Variants in UNKL observed in about 807,000 individuals in gnomAD.
UNKL encodes the protein unk like zinc finger.
UNKL carries 60 observed loss-of-function variants against 78.0 expected under a neutral mutation model. That is an observed-to-expected ratio of 0.77 (90% CI 0.63 to 0.95). The LOEUF is 0.95. Ranked by LOEUF, UNKL falls within the 40% of genes least tolerant of loss-of-function variation. UNKL has a pLI of 0.00. For missense variants in UNKL, 1,159 were observed against 1,045.7 expected (o/e 1.11, Z -1.49); for synonymous variants, 608 against 474.8 (o/e 1.28, Z -3.65).
In UNKL at chr16:1,369,340, G is replaced by A. The variant is rs187159727; in HGVS notation, c.1585+790C>T. ...ACCTCGGCGCCCCAAGTGCTGGGATGACAGGCGTGAGCCACCACGCCGGGC... is the reference window on the plus strand; with the variant it reads ...ACCTCGGCGCCCCAAGTGCTGGGATAACAGGCGTGAGCCACCACGCCGGGC... On this transcript the variant is annotated intron_variant, in intron 12 of 14. Transcript: ENST00000389221. Among the ~76,000 whole-genome samples the A allele has an allele frequency of 1.6e-4, 24 of 150,818 alleles. No homozygotes were observed. The East Asian group carries it at 4.7e-3, about 29-fold the overall frequency.
At chr16:1,366,430 C>T (rs1555453243) in intron 14 of UNKL, 35 bp from the exon 15 acceptor site, 3 of 1,538,440 alleles carry the variant, frequency 2.0e-6, no homozygotes, top group Non-Finnish European at 2.6e-6. Flanking sequence ...CTCAGGAGGC[C>T]CCTGCCCAGG....
At chr16:1,386,905 C>G (rs1342929558) in intron 9 of UNKL, among the ~76,000 whole-genome samples, 1 of 152,144 alleles carries the variant, frequency 6.6e-6, no homozygotes, top group Non-Finnish European at 1.5e-5. Context: ...CTGGAGACAG[C>G]CACCAGAGCT....
intron 2 of UNKL, among the ~76,000 whole-genome samples, chr16:1,412,420 C>T (rs373506812): frequency 6.6e-6 from 1 of 151,744 alleles, no homozygotes; most frequent in African/African-American, 2.4e-5. Flanking sequence ...AGACCAGCCT[C>T]GCCAACATGG....
intron 5 of UNKL, among the ~76,000 whole-genome samples, chr16:1,398,117 G>A (rs368153276): frequency 2.6e-5 from 4 of 152,220 alleles, no homozygotes; most frequent in Non-Finnish European, 4.4e-5. Flanking sequence ...CAGACAGCAC[G>A]GGGCTGTCTC....
At chr16:1,401,320 G>T in intron 4 of UNKL, 1 of 410,084 alleles carries the variant, frequency 2.4e-6, no homozygotes, top group Non-Finnish European at 4.2e-6. Flanking sequence ...GTCAATGGCT[G>T]GCCCCACTGA....
chr16:1,377,496 C>CA lies in UNKL; in HGVS notation c.1265-5886_1265-5885insT, dbSNP rs112578075. ...GTCCTCCCTCAGAAAGGAGACCCCCCCTCTGCCTCCACTCCCCCTGCAGCT... is the reference window on the plus strand; with the variant it reads ...GTCCTCCCTCAGAAAGGAGACCCCCCACTCTGCCTCCACTCCCCCTGCAGCT... On this transcript the variant is annotated intron_variant, in intron 10 of 14. Coordinates refer to ENST00000389221, the MANE Select transcript of UNKL (RefSeq NM_001372107.1). Among the ~76,000 whole-genome samples, 184 of 152,154 alleles carry CA rather than the reference C, an allele frequency of 1.2e-3. 1 individual carries two copies. Among genetic ancestry groups the CA allele is most frequent in the African/African-American group, 3.7e-3 (153 of 41,496 alleles).
intron 10 of UNKL, 70 bp from the exon 11 acceptor site, chr16:1,371,681 G>C (rs927395168): frequency 3.8e-5 from 56 of 1,473,430 alleles, no homozygotes; most frequent in Middle Eastern, 1.7e-4. Flanking sequence ...TAGCTGAGGA[G>C]GACGACCGTC....
chr16:1,401,804 G>A, intron 3 of UNKL, 103 bp from the exon 4 acceptor site: 2 of 1,468,862 alleles, frequency 1.4e-6, no homozygotes, highest in South Asian at 1.3e-5. Flanking sequence ...TGCACAGAGA[G>A]GCTGCTGCCG....
rs1207208516 is a variant in UNKL at position 1,385,302 on chromosome 16, G to A, written c.1170C>T (p.Ala390=). Reference sequence around the variant, plus strand: ...CAGTGGGGGAGGAGCTGCCGGAGCCGGCGCTGGACGCCAGGCTGGACGCCA... The same window carrying A: ...CAGTGGGGGAGGAGCTGCCGGAGCCAGCGCTGGACGCCAGGCTGGACGCCA... ...SSVASSLASS[A]GSGSSSPTAL... The change falls in exon 10 of 15, where the codon GCC becomes GCT. Residue 390 remains alanine (A), a synonymous_variant. Transcript: ENST00000389221. 17 of 1,384,418 alleles carry A rather than the reference G, an allele frequency of 1.2e-5. No homozygotes were observed. Among genetic ancestry groups the A allele is most frequent in the South Asian group, 6.4e-5 (4 of 62,178 alleles). The allele number at this position is 1,384,418 out of a possible 1,614,324, so 85.8% of individuals were successfully genotyped here.
chr16:1,366,545 G>C, intron 14 of UNKL, 150 bp from the exon 15 acceptor site: 2 of 1,043,362 alleles, frequency 1.9e-6, no homozygotes, highest in Non-Finnish European at 2.7e-6. Context: ...CCCAGCCAGG[G>C]CCACCTCAGG....
chr16:1,371,330 G>A (rs190372437), intron 11 of UNKL, among the ~76,000 whole-genome samples, 189 bp downstream of exon 11: 2 of 152,278 alleles, frequency 1.3e-5, no homozygotes, highest in African/African-American at 4.8e-5. Flanking sequence ...AGGAGGTACC[G>A]CCAGAAGGGG....
At chr16:1,393,091 C>G in intron 7 of UNKL, 115 bp from the exon 8 acceptor site, 1 of 1,128,472 alleles carries the variant, frequency 8.9e-7, no homozygotes, top group Non-Finnish European at 1.3e-6. Context: ...CACAATCATC[C>G]CTCAGGGGTG....
chr16:1,411,362 TAATA>T (rs947187671), intron 2 of UNKL, among the ~76,000 whole-genome samples: 1 of 148,658 alleles, frequency 6.7e-6, no homozygotes, highest in Non-Finnish European at 1.5e-5. Context: ...AAAAACAAAA[TAATA>T]AATAAAATAA....
intron 6 of UNKL, 108 bp downstream of exon 6, chr16:1,397,063 AGCCCTCG>A: frequency 8.5e-7 from 1 of 1,171,606 alleles, no homozygotes; most frequent in Non-Finnish European, 1.2e-6. Context: ...GACCTGTGCC[AGCCCTCG>A]GCCAAAGTTA....
chr16:1,399,644 G>T lies in UNKL; in HGVS notation c.599-135C>A. On this transcript the variant is annotated intron_variant, in intron 4 of 14. Coordinates refer to ENST00000389221, the MANE Select transcript of UNKL (RefSeq NM_001372107.1). The surrounding 1 kb of genome is among the most constrained non-coding windows in gnomAD (Gnocchi z 5.8). ...GAGGACTTGGGGAGCGCAGACACAC[G>T]CCACGGCACACGCTGATGTCAAAGG... The T allele has an allele frequency of 7.6e-7, 1 of 1,309,140 alleles. No homozygotes were observed. The highest frequency in any genetic ancestry group is 2.5e-4 in the Middle Eastern group (1 of 3,984). The allele number at this position is 1,309,140 out of a possible 1,614,324, so 81.1% of individuals were successfully genotyped here. A position where few individuals can be genotyped will look rare whatever the true frequency, so the allele number is the denominator to read the frequency against.
chr16:1,369,987 A>C, intron 12 of UNKL, 143 bp downstream of exon 12: 1 of 1,550,920 alleles, frequency 6.4e-7, no homozygotes, highest in South Asian at 1.2e-5. Flanking sequence ...GCGTGGGGGA[A>C]CCTGTGAGCA....
intron 9 of UNKL, 38 bp from the exon 10 acceptor site, chr16:1,385,423 T>C (rs2036774087): frequency 1.5e-6 from 2 of 1,293,192 alleles, no homozygotes; most frequent in African/African-American, 1.5e-5. Context: ...GCGCACCCCC[T>C]GCGTGGAGGA....
At chr16:1,402,536 G>A (rs9922257) in intron 3 of UNKL, among the ~76,000 whole-genome samples, 1,620 of 152,186 alleles carry the variant, frequency 0.011, 32 homozygotes, top group African/African-American at 0.036. Context: ...GGTGGTGTGC[G>A]CCTGTAGTCC....
intron 2 of UNKL, among the ~76,000 whole-genome samples, chr16:1,408,051 G>T (rs1297144123): frequency 6.6e-6 from 1 of 152,080 alleles, no homozygotes; most frequent in Non-Finnish European, 1.5e-5. Context: ...GTTGCAGTGA[G>T]CCAAGATCGA....
Sources: allele counts gnomAD v4.1 joint callset (sites outside exome capture counted in the v4.1 genomes callset), GRCh38; gene constraint gnomAD v4.1.1; non-coding constraint Gnocchi (gnomAD v3.1); transcripts MANE v1.5; gene names NCBI Gene and HGNC (gene_info 2026-07-23, HGNC 2026-07-21).